HIPK3: variants seen among roughly 807,000 people sequenced by gnomAD.
The protein encoded by HIPK3 is homeodomain-interacting protein kinase 3.
HIPK3 carries 47 observed loss-of-function variants against 124.2 expected under a neutral mutation model. The observed-to-expected ratio is 0.38, with a 90% CI of 0.30 to 0.48. The LOEUF (loss-of-function observed/expected upper bound fraction) is 0.48, where lower values mean the gene tolerates loss of function less well. Among genes scored for constraint, HIPK3 ranks in the 20% least tolerant of loss-of-function variants. The pLI is 0.98. For synonymous variants in HIPK3, 482 were observed against 515.2 expected (o/e 0.94, Z 0.87); for missense variants, 1,286 against 1,454.3 (o/e 0.88, Z 1.88).
At chr11:33,341,803 A>C (rs1364438574) in intron 8 of HIPK3, 117 bp downstream of exon 8, 2 of 962,508 alleles carry the variant, frequency 2.1e-6, no homozygotes, top group Non-Finnish European at 3.0e-6. Context: ...GCTACATTTG[A>C]ATTTAAGCTG....
At chr11:33,290,180 TTGTA>T in intron 2 of HIPK3, among the ~76,000 whole-genome samples, 1 of 152,302 alleles carries the variant, frequency 6.6e-6, no homozygotes, top group Non-Finnish European at 1.5e-5. Context: ...ATATTCTTGA[TTGTA>T]TGGGTTTTAG....
At position 33,339,507 on chromosome 11, in the gene HIPK3, ATCT is replaced by A. The variant is rs1853266817; in HGVS notation, c.1590_1592del (p.Leu531del). On this transcript the variant is annotated inframe_deletion, in exon 6 of 17. Coordinates refer to ENST00000303296, the MANE Select transcript of HIPK3 (RefSeq NM_005734.5). ...AACCATCCTTTTGTTAATATGAAAC[ATCT>A]TCTAGATTTCCCTCATAGCAACCAG... is the stretch of plus-strand genomic sequence containing the variant. 6.2e-7 allele frequency: 1 copy of A among 1,604,868 alleles called. No individual in the cohort carries two copies. The highest frequency in any genetic ancestry group is 1.7e-5 in the Admixed American group (1 of 59,882).
intron 16 of HIPK3, among the ~76,000 whole-genome samples, chr11:33,352,568 A>AT (rs1465928140): frequency 4.6e-5 from 7 of 152,102 alleles, no homozygotes; most frequent in African/African-American, 1.4e-4. Flanking sequence ...ATTCAACACT[A>AT]TATTTGGCGG....
intron 2 of HIPK3, among the ~76,000 whole-genome samples, chr11:33,288,090 A>G (rs1389852967): frequency 2.0e-5 from 3 of 152,166 alleles, no homozygotes; most frequent in Non-Finnish European, 4.4e-5. Flanking sequence ...AAAAAGTTTC[A>G]GATATTTGGA....
intron 2 of HIPK3, among the ~76,000 whole-genome samples, chr11:33,293,032 C>T (rs959531113): frequency 3.9e-5 from 6 of 152,144 alleles, no homozygotes; most frequent in African/African-American, 9.7e-5. Flanking sequence ...CCACCGCTCC[C>T]GGCCAAATGA....
At chr11:33,337,325 C>T (rs944750045) in intron 4 of HIPK3, 131 bp downstream of exon 4, 8 of 472,630 alleles carry the variant, frequency 1.7e-5, no homozygotes, top group Non-Finnish European at 2.8e-5. Context: ...ATTTTTGGCC[C>T]TTCTTTATTT....
chr11:33,347,167 G>A (rs937406914), intron 8 of HIPK3, 126 bp from the exon 9 acceptor site: 11 of 790,032 alleles, frequency 1.4e-5, no homozygotes, highest in South Asian at 7.4e-5. Flanking sequence ...GCAACAGAGC[G>A]AGGCCCTGTC....
chr11:33,316,141 A>T (rs574013504), intron 2 of HIPK3, among the ~76,000 whole-genome samples: 9 of 152,338 alleles, frequency 5.9e-5, no homozygotes, highest in African/African-American at 2.2e-4. Flanking sequence ...TCATAACAAA[A>T]AATATTTGTA....
At position 33,353,389 on chromosome 11, in the gene HIPK3, C is replaced by T. The variant is rs779228109; in HGVS notation, c.3469C>T (p.Pro1157Ser). Residue 1157 changes from proline (P) to serine (S), a missense_variant, in exon 17 of 17, where the codon CCC (proline) becomes TCC (serine). This residue lies in a region of HIPK3 where 810 missense variants were observed against 864.9 expected (regional missense o/e 0.94). Coordinates refer to ENST00000303296, the MANE Select transcript of HIPK3 (RefSeq NM_005734.5). ...GCATCCAACTTATAATATCTCCCAT[C>T]CCAGTGGCATAGTTCACCAAGTCCC... ...LQHPTYNISH[P>S]SGIVHQVPVG... is the part of the protein sequence containing the mutation. 1.9e-6 allele frequency: 3 copies of T among 1,614,042 alleles called. No individual in the cohort carries two copies. Among genetic ancestry groups the T allele is most frequent in the African/African-American group, 1.3e-5 (1 of 74,914 alleles).
rs770455452 is a variant in HIPK3, at chr11:33,286,777, C to T, written c.363C>T (p.Gly121=). The T allele has an allele frequency of 1.2e-6, 2 of 1,613,954 alleles. No individual in the cohort carries two copies. The highest frequency in any genetic ancestry group is 3.3e-5 in the Admixed American group (2 of 59,988). Residue 121 remains glycine, a synonymous_variant, in exon 2 of 17, where the codon GGC becomes GGT. Coordinates refer to ENST00000303296, the MANE Select transcript of HIPK3 (RefSeq NM_005734.5). ...AWRNRLHFLE[G]PQRCGLKRKS... Reference sequence around the variant, plus strand: ...GAAACAGATTGCATTTCCTAGAAGGCCCCCAGCGATGTGGATTGAAGCGCA... The same window carrying T: ...GAAACAGATTGCATTTCCTAGAAGGTCCCCAGCGATGTGGATTGAAGCGCA...
At chr11:33,268,446 C>T (rs1851032787) in intron 1 of HIPK3, among the ~76,000 whole-genome samples, 1 of 151,558 alleles carries the variant, frequency 6.6e-6, no homozygotes, top group Non-Finnish European at 1.5e-5. Flanking sequence ...ATACAATTAC[C>T]TGAGTGAGGT....
At position 33,328,432 on chromosome 11, in the gene HIPK3, A is replaced by G. The variant is rs1852872568; in HGVS notation, c.1098-78A>G. The G allele has an allele frequency of 1.1e-5, 16 of 1,431,850 alleles. No homozygotes were observed. The South Asian group carries it at 1.8e-4, about 16-fold the overall frequency. The allele number at this position is 1,431,850 out of a possible 1,614,324, so 88.7% of individuals were successfully genotyped here. On this transcript the variant is annotated intron_variant, in intron 2 of 16. Coordinates refer to ENST00000303296, the MANE Select transcript of HIPK3 (RefSeq NM_005734.5). Reference sequence around the variant, plus strand: ...ATGTGATACCTCTGTCATTTTACCAACTTCCTAGAATGCCAGTTGAAATTA... The same window carrying G: ...ATGTGATACCTCTGTCATTTTACCAGCTTCCTAGAATGCCAGTTGAAATTA...
intron 2 of HIPK3, among the ~76,000 whole-genome samples, chr11:33,315,106 A>C (rs904434748): frequency 3.3e-5 from 5 of 152,190 alleles, no homozygotes; most frequent in African/African-American, 1.2e-4. Context: ...GATACATGCT[A>C]CCTCAGTTAC....
chr11:33,297,964 A>G (rs1454009406), intron 2 of HIPK3, among the ~76,000 whole-genome samples: 1 of 151,106 alleles, frequency 6.6e-6, no homozygotes, highest in Admixed American at 6.6e-5. Context: ...TAATTTTTGT[A>G]TTTTAGTAGA....
At chr11:33,303,887 G>A (rs1388093110) in intron 2 of HIPK3, among the ~76,000 whole-genome samples, 1 of 152,062 alleles carries the variant, frequency 6.6e-6, no homozygotes, top group South Asian at 2.1e-4. Flanking sequence ...AAAGAATGTC[G>A]TGTATATCTA....
chr11:33,295,077 C>T (rs969678163), intron 2 of HIPK3, among the ~76,000 whole-genome samples: 3 of 152,100 alleles, frequency 2.0e-5, no homozygotes, highest in African/African-American at 7.2e-5. Context: ...GTGACAACAT[C>T]TGCCCTCACC....
At chr11:33,318,885 T>A (rs1195835997) in intron 2 of HIPK3, among the ~76,000 whole-genome samples, 2 of 152,360 alleles carry the variant, frequency 1.3e-5, no homozygotes, top group Non-Finnish European at 2.9e-5. Flanking sequence ...TCTGTTCATT[T>A]GGTTTCCTGT....
chr11:33,339,918 AT>A (rs533402712), intron 6 of HIPK3, among the ~76,000 whole-genome samples: 25 of 150,948 alleles, frequency 1.7e-4, no homozygotes, highest in African/African-American at 4.9e-4. Context: ...TCCATTTTAC[AT>A]TTTTTTTTCC....
chr11:33,280,500 C>G (rs1851383800), intron 1 of HIPK3, among the ~76,000 whole-genome samples: 1 of 152,072 alleles, frequency 6.6e-6, no homozygotes, highest in Non-Finnish European at 1.5e-5. Context: ...TCTTTTATAC[C>G]TGTCTCCAGC....
Sources: gnomAD v4.1 joint callset for allele counts (sites outside exome capture counted in the v4.1 genomes callset) on GRCh38, gnomAD v4.1.1 for gene constraint, gnomAD v4.1.1 regional missense constraint, MANE v1.5 for transcripts, NCBI Gene and HGNC (gene_info 2026-07-23, HGNC 2026-07-21) for gene names.